The following LSAMP variants were observed in gnomAD, a reference collection of about 807,000 sequenced individuals.
LSAMP encodes the protein limbic system-associated membrane protein.
LSAMP carries 7 observed loss-of-function variants against 38.6 expected under a neutral mutation model. The observed-to-expected ratio is 0.18, with a 90% confidence interval of 0.10 to 0.34. The LOEUF is 0.34. Among genes scored for constraint, LSAMP ranks in the 10% least tolerant of loss-of-function variants. The pLI is 1.00. For missense variants in LSAMP, 313 were observed against 420.0 expected, an observed-to-expected ratio of 0.75 and a Z score of 2.23; for synonymous variants, 154 against 166.8, an observed-to-expected ratio of 0.92 and a Z score of 0.59.
intron 1 of LSAMP, among the ~76,000 whole-genome samples, chr3:116,250,083 A>G: frequency 6.6e-6 from 1 of 152,200 alleles, no homozygotes. Flanking sequence ...TCCAGATCTT[A>G]ACATTATGTC....
At chr3:116,249,102 T>G (rs1389484833) in intron 1 of LSAMP, among the ~76,000 whole-genome samples, 1 of 146,102 alleles carries the variant, frequency 6.8e-6, no homozygotes, top group Non-Finnish European at 1.5e-5. Flanking sequence ...TGGGCCAAGA[T>G]CGCGCCACTG....
At chr3:115,948,892 G>A (rs1938192627) in intron 3 of LSAMP, among the ~76,000 whole-genome samples, 1 of 152,190 alleles carries the variant, frequency 6.6e-6, no homozygotes, top group South Asian at 2.1e-4. Flanking sequence ...CAGGACTTTG[G>A]GAGGCTGAGG....
intron 1 of LSAMP, among the ~76,000 whole-genome samples, chr3:116,288,313 CAAAGA>C (rs1382376786): frequency 6.6e-6 from 1 of 152,132 alleles, no homozygotes; most frequent in Non-Finnish European, 1.5e-5. Context: ...AATGGATTCT[CAAAGA>C]AAAGACAGAT....
intron 1 of LSAMP, among the ~76,000 whole-genome samples, chr3:116,192,035 TAAC>T (rs1710766146): frequency 6.6e-6 from 1 of 152,122 alleles, no homozygotes; most frequent in Admixed American, 6.5e-5. Flanking sequence ...AAAAAAGAGA[TAAC>T]AAACATAACC....
rs546651384 is a variant in LSAMP at position 116,356,952 on chromosome 3, C to T, written c.155+87925G>A. On this transcript the variant is annotated intron_variant, in intron 1 of 6. Transcript: ENST00000490035. Reference sequence around the variant, plus strand: ...GGGACTACAGGCGCCCGCCACCACGCCTGGCTAATTTTTTGTATTTTTAGT... The same window carrying T: ...GGGACTACAGGCGCCCGCCACCACGTCTGGCTAATTTTTTGTATTTTTAGT... Among the ~76,000 whole-genome samples, 113 of 152,274 alleles carry T rather than the reference C, an allele frequency of 7.4e-4. 1 individual carries two copies. Among genetic ancestry groups the T allele is most frequent in the Middle Eastern group, 3.4e-3 (1 of 294 alleles).
chr3:115,815,463 T>C (rs1933988172), intron 6 of LSAMP, among the ~76,000 whole-genome samples: 1 of 152,198 alleles, frequency 6.6e-6, no homozygotes. Flanking sequence ...ACTTTATGCA[T>C]TTTCTCTACT....
At chr3:116,167,082 C>T (rs148304123) in intron 1 of LSAMP, among the ~76,000 whole-genome samples, 3,641 of 152,104 alleles carry the variant, frequency 0.024, 67 homozygotes, top group Middle Eastern at 0.051. Context: ...TGAGCCGCTG[C>T]GCCTGGCCCT....
At chr3:116,074,644 G>C (rs1385656371) in intron 2 of LSAMP, among the ~76,000 whole-genome samples, 1 of 152,030 alleles carries the variant, frequency 6.6e-6, no homozygotes, top group Non-Finnish European at 1.5e-5. Context: ...CTACTAACTT[G>C]TCAACTCTGG....
intron 1 of LSAMP, among the ~76,000 whole-genome samples, chr3:116,170,123 C>T (rs1293307634): frequency 6.6e-6 from 1 of 150,776 alleles, no homozygotes; most frequent in African/African-American, 2.5e-5. Context: ...TTAAGTTGCT[C>T]TTCAATAAGG....
At chr3:116,297,887 T>A (rs1411366925) in intron 1 of LSAMP, among the ~76,000 whole-genome samples, 1 of 152,206 alleles carries the variant, frequency 6.6e-6, no homozygotes, top group Non-Finnish European at 1.5e-5. Flanking sequence ...ATCTTCATTA[T>A]ATTTCTTCAG....
chr3:115,973,784 G>A (rs1334464839), intron 3 of LSAMP, among the ~76,000 whole-genome samples: 6 of 152,118 alleles, frequency 3.9e-5, no homozygotes, highest in Non-Finnish European at 8.8e-5. Flanking sequence ...TACAGAGACT[G>A]AAGGTAATTT....
chr3:116,191,970 C>T (rs1009520669), intron 1 of LSAMP, among the ~76,000 whole-genome samples: 59 of 152,124 alleles, frequency 3.9e-4, no homozygotes, highest in African/African-American at 1.3e-3. Context: ...TTAGCTTCTC[C>T]ATCTGCATAC....
At chr3:115,821,329 C>G (rs10511348) in intron 6 of LSAMP, among the ~76,000 whole-genome samples, 27,107 of 152,200 alleles carry the variant, frequency 0.18, 2,812 homozygotes, top group Admixed American at 0.24. Context: ...AGTGAGGGTA[C>G]AACACATTCA....
chr3:116,136,059 T>G (rs1709241479), intron 1 of LSAMP, among the ~76,000 whole-genome samples: 1 of 152,196 alleles, frequency 6.6e-6, no homozygotes, highest in African/African-American at 2.4e-5. Context: ...TCATTGAATT[T>G]GGATATTGAT....
intron 1 of LSAMP, among the ~76,000 whole-genome samples, chr3:116,285,320 T>C (rs1199028252): frequency 6.6e-6 from 1 of 152,146 alleles, no homozygotes; most frequent in Non-Finnish European, 1.5e-5. Flanking sequence ...AGACCTATCT[T>C]CAGGAACCCC....
chr3:116,233,185 G>A (rs904576777), intron 1 of LSAMP, among the ~76,000 whole-genome samples: 4 of 151,856 alleles, frequency 2.6e-5, no homozygotes, highest in African/African-American at 7.3e-5. Flanking sequence ...AGGCCAAGAC[G>A]GGTGGATCAC....
At chr3:116,097,218 GA>G (rs1708243809) in intron 1 of LSAMP, among the ~76,000 whole-genome samples, 1 of 151,852 alleles carries the variant, frequency 6.6e-6, no homozygotes, top group African/African-American at 2.4e-5. Context: ...GTTCTAGATG[GA>G]AAAAAAATAT....
chr3:116,389,947 G>A (rs1343421605), intron 1 of LSAMP, among the ~76,000 whole-genome samples: 2 of 152,146 alleles, frequency 1.3e-5, no homozygotes, highest in Admixed American at 1.3e-4. Flanking sequence ...TCTTACTGCT[G>A]CATAATGTAT....
intron 4 of LSAMP, among the ~76,000 whole-genome samples, chr3:115,843,688 AT>A (rs3836332): frequency 8.0e-5 from 12 of 150,294 alleles, no homozygotes; most frequent in Admixed American, 2.0e-4. Flanking sequence ...TGTTTCTGAT[AT>A]TTTTTTTTTG....
Sources: allele counts gnomAD v4.1 joint callset (sites outside exome capture counted in the v4.1 genomes callset), GRCh38; gene constraint gnomAD v4.1.1; transcripts MANE v1.5; gene names NCBI Gene and HGNC (gene_info 2026-07-23, HGNC 2026-07-21).